The following SLC15A1 variants were observed in gnomAD, a reference collection of about 807,000 sequenced individuals.
SLC15A1 encodes the protein solute carrier family 15 member 1, also known as Caco-2 oligopeptide transporter.
A neutral mutation model predicts 92.9 loss-of-function variants in SLC15A1; 83 were observed. That is an observed-to-expected ratio of 0.89 (90% CI 0.75 to 1.07). SLC15A1 has a LOEUF of 1.07. SLC15A1 is among the 50% of genes least tolerant of loss of function. The probability of loss-of-function intolerance (pLI) is 0.00; values close to 1 mark genes in which losing one functional copy is unlikely to be tolerated. For synonymous variants in SLC15A1, 322 were observed against 318.2 expected, an observed-to-expected ratio of 1.01 and a Z score of -0.13; for missense variants, 857 against 880.1, an observed-to-expected ratio of 0.97 and a Z score of 0.33.
Position 98,726,213 on chromosome 13 carries a change from G to A in SLC15A1, c.155C>T (p.Ser52Phe), listed in dbSNP as rs1303344184. 3.7e-6 allele frequency: 6 copies of A among 1,614,018 alleles called. No individual in the cohort carries two copies. The highest frequency in any genetic ancestry group is 5.1e-6 in the Non-Finnish European group (6 of 1,180,034). Residue 52 changes from serine to phenylalanine, a missense_variant, in exon 4 of 23, where the codon TCC becomes TTC. Transcript: ENST00000376503. Reference protein sequence around the residue: ...TNFISWDDNLSTAIYHTFVAL... With the variant: ...TNFISWDDNLFTAIYHTFVAL... Reference sequence around the variant, plus strand: ...CACAAACGTATGGTAGATGGCGGTGGACAGGTTATCATCCCAGCTGATGAA... The same window carrying A: ...CACAAACGTATGGTAGATGGCGGTGAACAGGTTATCATCCCAGCTGATGAA...
chr13:98,719,290 G>A lies in SLC15A1; in HGVS notation c.587C>T (p.Ala196Val), dbSNP rs763215970. The change falls in exon 8 of 23, where the codon GCT becomes GTT. Residue 196 changes from alanine (A) to valine (V), a missense_variant. Physicochemically the swap from Ala to Val is moderately conservative, Grantham distance 64. Transcript: ENST00000376503. ...AACCCCAAAGGCCAGTGGGTAACAA[G>A]CTTGTTTACTGTGAATTCCACATTG... ...VQQCGIHSKQ[A>V]CYPLAFGVPA... 6.8e-6 allele frequency: 11 copies of A among 1,613,706 alleles called. No individual in the cohort carries two copies. The highest frequency in any genetic ancestry group is 1.1e-5 in the South Asian group (1 of 91,078).
intron 9 of SLC15A1, 96 bp downstream of exon 9, chr13:98,715,782 T>A: frequency 1.0e-6 from 1 of 994,676 alleles, no homozygotes; most frequent in Non-Finnish European, 1.6e-6. Context: ...TAAAAATATA[T>A]TTAAAGGAAA....
chr13:98,729,326 G>A (rs1261749401), intron 1 of SLC15A1, among the ~76,000 whole-genome samples: 2 of 152,148 alleles, frequency 1.3e-5, no homozygotes, highest in Non-Finnish European at 2.9e-5. Context: ...CAGCAGAGCT[G>A]CCCATATGAA....
intron 18 of SLC15A1, among the ~76,000 whole-genome samples, chr13:98,692,912 C>CT (rs905670855): frequency 6.6e-6 from 1 of 151,194 alleles, no homozygotes; most frequent in Non-Finnish European, 1.5e-5. Flanking sequence ...TAATTTTTGT[C>CT]TTTTTTTGTA....
chr13:98,728,643 G>C (rs1222294581), intron 1 of SLC15A1, among the ~76,000 whole-genome samples: 1 of 152,090 alleles, frequency 6.6e-6, no homozygotes, highest in Admixed American at 6.6e-5. Context: ...CTGGTGTTTG[G>C]TAGCACAACA....
At chr13:98,734,981 TA>T (rs2088379967) in intron 1 of SLC15A1, among the ~76,000 whole-genome samples, 1 of 152,252 alleles carries the variant, frequency 6.6e-6, no homozygotes, top group Non-Finnish European at 1.5e-5. Flanking sequence ...TAACTCATTT[TA>T]TGAGGCCAGC....
intron 18 of SLC15A1, among the ~76,000 whole-genome samples, chr13:98,696,640 C>A (rs1257862708): frequency 6.6e-6 from 1 of 152,082 alleles, no homozygotes; most frequent in African/African-American, 2.4e-5. Flanking sequence ...ACCGGGTGAC[C>A]ACTGTCAGTG....
intron 1 of SLC15A1, among the ~76,000 whole-genome samples, chr13:98,738,544 C>T (rs2088413523): frequency 6.6e-6 from 1 of 152,268 alleles, no homozygotes; most frequent in South Asian, 2.1e-4. Context: ...CTCAAAGGGC[C>T]CAAGATACAG....
intron 4 of SLC15A1, among the ~76,000 whole-genome samples, chr13:98,724,902 G>A (rs1471608468): frequency 3.3e-5 from 5 of 152,196 alleles, no homozygotes; most frequent in African/African-American, 1.2e-4. Context: ...CCATGCTACA[G>A]TTTGGTTATC....
At chr13:98,715,763 T>G (rs1298634707) in intron 9 of SLC15A1, 115 bp downstream of exon 9, 4 of 816,394 alleles carry the variant, frequency 4.9e-6, no homozygotes, top group Non-Finnish European at 6.0e-6. Context: ...CTGAAACAGT[T>G]AAGAACACTA....
At chr13:98,725,807 C>T (rs918453918) in intron 4 of SLC15A1, among the ~76,000 whole-genome samples, 1 of 152,180 alleles carries the variant, frequency 6.6e-6, no homozygotes, top group Non-Finnish European at 1.5e-5. Context: ...TCACTGCAGC[C>T]TTGACCTCTG....
intron 18 of SLC15A1, among the ~76,000 whole-genome samples, chr13:98,691,119 C>T (rs1450040662): frequency 2.0e-5 from 3 of 152,122 alleles, no homozygotes; most frequent in Non-Finnish European, 4.4e-5. Context: ...TCTCGGCTCA[C>T]TGCAACCTCC....
chr13:98,686,973 T>C (rs1188893858), intron 21 of SLC15A1, among the ~76,000 whole-genome samples: 1 of 141,084 alleles, frequency 7.1e-6, no homozygotes, highest in Non-Finnish European at 1.5e-5. Context: ...TTTGAGATGG[T>C]GTCTTGCTCT....
intron 1 of SLC15A1, among the ~76,000 whole-genome samples, chr13:98,742,427 C>T (rs1362467785): frequency 6.6e-6 from 1 of 152,170 alleles, no homozygotes; most frequent in East Asian, 1.9e-4. Context: ...TAAGACAGTT[C>T]CTCCCTCAGC....
chr13:98,732,374 G>A (rs2139601598), intron 1 of SLC15A1, among the ~76,000 whole-genome samples: 1 of 152,162 alleles, frequency 6.6e-6, no homozygotes, highest in Non-Finnish European at 1.5e-5. Context: ...TGCTATTCTA[G>A]GCCCAGAAGT....
intron 18 of SLC15A1, among the ~76,000 whole-genome samples, chr13:98,690,056 C>A (rs543797624): frequency 6.6e-6 from 1 of 152,138 alleles, no homozygotes; most frequent in African/African-American, 2.4e-5. Context: ...GTGACCAGGA[C>A]GGTGTTGCTC....
chr13:98,743,995 A>G (rs1387828139), intron 1 of SLC15A1, among the ~76,000 whole-genome samples: 1 of 152,106 alleles, frequency 6.6e-6, no homozygotes, highest in Non-Finnish European at 1.5e-5. Context: ...TTGTCACAGG[A>G]GAAAATGACT....
rs9584903 is a variant in SLC15A1, at chr13:98,691,965, C to T, written c.1467-3388G>A. On this transcript the variant is annotated intron_variant, in intron 18 of 22. Transcript: ENST00000376503. ...GTGCATGCCTATAATCTCAGCTACT[C>T]GGGAGGCTGAGGCAGGAGAATCGCT... 6.6e-3 allele frequency among the ~76,000 whole-genome samples: 1,000 copies of T among 151,638 alleles called. 45 individuals carry two copies. In the East Asian group the frequency reaches 0.1, roughly 16 times the overall value.
chr13:98,752,514 C>G, intron 1 of SLC15A1, 81 bp downstream of exon 1: 2 of 1,219,080 alleles, frequency 1.6e-6, no homozygotes, highest in South Asian at 2.9e-5. Context: ...ACCCTTCGCG[C>G]CTCCCGGCCC....
Sources: gnomAD v4.1 joint callset for allele counts (sites outside exome capture counted in the v4.1 genomes callset) on GRCh38, gnomAD v4.1.1 for gene constraint, MANE v1.5 for transcripts, NCBI Gene and HGNC (gene_info 2026-07-23, HGNC 2026-07-21) for gene names.